The following RRAGB variants were observed in gnomAD, a reference collection of about 807,000 sequenced individuals.
The protein encoded by RRAGB is ras-related GTP-binding protein B.
A neutral mutation model predicts 29.3 loss-of-function variants in RRAGB; 6 were observed. The observed-to-expected ratio is 0.21, with a 90% CI of 0.11 to 0.40. The LOEUF is 0.40. Among genes scored for constraint, RRAGB ranks in the 10% least tolerant of loss-of-function variants. The probability of loss-of-function intolerance (pLI) is 1.00; values close to 1 mark genes in which losing one functional copy is unlikely to be tolerated. For synonymous variants in RRAGB, 101 were observed against 92.5 expected (o/e 1.09, Z -0.53); for missense variants, 184 against 272.9 (o/e 0.67, Z 2.29).
At chrX:55,722,600 T>C (rs767122277) in intron 3 of RRAGB, among the ~76,000 whole-genome samples, 3 of 112,063 alleles carry the variant, frequency 2.7e-5, no homozygotes, top group South Asian at 7.5e-4. Flanking sequence ...TTAACTCTTA[T>C]ACAAAGGGAA....
intron 5 of RRAGB, among the ~76,000 whole-genome samples, chrX:55,748,725 C>G (rs1312236276): frequency 9.0e-6 from 1 of 111,710 alleles, no homozygotes; most frequent in Non-Finnish European, 1.9e-5. Flanking sequence ...GCCACCCCAT[C>G]CGGGAGGGAG....
chrX:55,720,857 G>A (rs1006992861), intron 2 of RRAGB, among the ~76,000 whole-genome samples: 10 of 110,825 alleles, frequency 9.0e-5, no homozygotes, highest in Admixed American at 1.9e-4. Context: ...CAGCCTGGAT[G>A]ATAGAGTGAG....
chrX:55,719,771 G>A, intron 2 of RRAGB, among the ~76,000 whole-genome samples: 1 of 112,070 alleles, frequency 8.9e-6, no homozygotes, highest in South Asian at 3.7e-4. Context: ...CCTAACTCAA[G>A]TGTTACCACT....
At chrX:55,734,222 C>T (rs1043054720) in intron 5 of RRAGB, among the ~76,000 whole-genome samples, 5 of 109,326 alleles carry the variant, frequency 4.6e-5, no homozygotes, top group African/African-American at 1.3e-4. Flanking sequence ...CTCGGCCTCC[C>T]AAAGTGCTGG....
intron 7 of RRAGB, among the ~76,000 whole-genome samples, chrX:55,754,827 C>T: frequency 8.9e-6 from 1 of 111,929 alleles, no homozygotes; most frequent in Admixed American, 9.5e-5. Flanking sequence ...GAGTATCTTT[C>T]TGTCTCAGCC....
intron 5 of RRAGB, among the ~76,000 whole-genome samples, chrX:55,739,814 T>C (rs184638551): frequency 7.2e-5 from 8 of 110,835 alleles, no homozygotes; most frequent in Admixed American, 5.7e-4. Flanking sequence ...TCTACCATCT[T>C]GGAAAAAAAA....
chrX:55,745,266 G>A (rs906015097), intron 5 of RRAGB, among the ~76,000 whole-genome samples: 1 of 112,540 alleles, frequency 8.9e-6, no homozygotes, highest in Non-Finnish European at 1.9e-5. Flanking sequence ...TTCTTGTGAA[G>A]CAAATTATGA....
chrX:55,755,301 G>A, intron 7 of RRAGB: 1 of 752,302 alleles, frequency 1.3e-6, no homozygotes, highest in Non-Finnish European at 1.6e-6. Flanking sequence ...ATCTGAAAAA[G>A]TTAGAAAAAG....
At chrX:55,753,302 C>A in intron 6 of RRAGB, 90 bp from the exon 7 acceptor site, 1 of 745,327 alleles carries the variant, frequency 1.3e-6, no homozygotes, top group Non-Finnish European at 1.9e-6. Context: ...TCATATTTTG[C>A]TGTCCACATA....
At chrX:55,722,511 A>G (rs1233123851) in intron 3 of RRAGB, among the ~76,000 whole-genome samples, 1 of 111,223 alleles carries the variant, frequency 9.0e-6, no homozygotes, top group Admixed American at 9.5e-5. Context: ...TATGAAGTGG[A>G]TTGCCCTTGT....
intron 9 of RRAGB, among the ~76,000 whole-genome samples, chrX:55,757,754 A>C (rs190030689): frequency 1.1e-3 from 121 of 111,998 alleles, no homozygotes; most frequent in African/African-American, 3.7e-3. Context: ...TCTAAGCTCT[A>C]AACTATTAAA....
chrX:55,744,665 A>G (rs1282475817), intron 5 of RRAGB, among the ~76,000 whole-genome samples: 1 of 112,147 alleles, frequency 8.9e-6, no homozygotes, highest in Non-Finnish European at 1.9e-5. Flanking sequence ...CAAAAGGGGT[A>G]TAGTTATCTG....
At chrX:55,757,629 G>A (rs1156521893) in intron 9 of RRAGB, among the ~76,000 whole-genome samples, 1 of 111,661 alleles carries the variant, frequency 9.0e-6, no homozygotes, top group African/African-American at 3.3e-5. Context: ...AGGGTATTAC[G>A]TTTTTCTTCA....
chrX:55,727,436 AG>A (rs1569237351), intron 3 of RRAGB: 2 of 592,206 alleles, frequency 3.4e-6, no homozygotes, highest in South Asian at 4.8e-5. Context: ...AAAGGGGAGA[AG>A]GGAAGTAGTT....
At chrX:55,749,338 C>A (rs1284764000) in intron 5 of RRAGB, among the ~76,000 whole-genome samples, 2 of 97,621 alleles carry the variant, frequency 2.0e-5, no homozygotes, top group African/African-American at 3.8e-5. Context: ...CCAGCCCGGC[C>A]AGCCGCCCCA....
chrX:55,755,663 T>C (rs1602085899), intron 7 of RRAGB, 178 bp from the exon 8 acceptor site: 7 of 985,226 alleles, frequency 7.1e-6, no homozygotes, highest in African/African-American at 3.9e-5. Context: ...TGAATGGACG[T>C]TGAAACCACA....
chrX:55,741,276 T>C (rs2034059615), intron 5 of RRAGB, among the ~76,000 whole-genome samples: 1 of 111,479 alleles, frequency 9.0e-6, no homozygotes, highest in South Asian at 3.8e-4. Context: ...GAAACACCAC[T>C]GCACCATACG....
Position 55,751,132 on chromosome X carries a change from G to A in RRAGB, c.548G>A (p.Arg183His), listed in dbSNP as rs767125784. 6.7e-6 allele frequency: 8 copies of A among 1,196,912 alleles called. No individual in the cohort carries two copies. Among genetic ancestry groups the A allele is most frequent in the East Asian group, 3.0e-5 (1 of 33,669 alleles). Reference protein sequence around the residue: ...IFKEREEDLRRLSRPLECSCF... With the variant: ...IFKEREEDLRHLSRPLECSCF... Reference sequence around the variant, plus strand: ...AAAGAGCGAGAAGAAGATTTGAGGCGTTTGTCTCGCCCATTGGAATGTTCT... The same window carrying A: ...AAAGAGCGAGAAGAAGATTTGAGGCATTTGTCTCGCCCATTGGAATGTTCT... The change falls in exon 6 of 10, where the codon CGT (arginine) becomes CAT (histidine). Residue 183 changes from arginine (R) to histidine (H), a missense_variant. Coordinates refer to ENST00000374941, the MANE Select transcript of RRAGB (RefSeq NM_006064.5).
chrX:55,753,052 G>A (rs1462520822), intron 6 of RRAGB, among the ~76,000 whole-genome samples: 1 of 112,017 alleles, frequency 8.9e-6, no homozygotes, highest in African/African-American at 3.2e-5. Flanking sequence ...GACTAGATTA[G>A]GAGCTTTTTA....
Sources: gnomAD v4.1 joint callset for allele counts (sites outside exome capture counted in the v4.1 genomes callset) on GRCh38, gnomAD v4.1.1 for gene constraint, MANE v1.5 for transcripts, NCBI Gene and HGNC (gene_info 2026-07-23, HGNC 2026-07-21) for gene names.